Variants in CSMD1 observed in about 807,000 individuals in gnomAD.
CSMD1 encodes the protein CUB and sushi domain-containing protein 1.
CSMD1 carries 213 observed loss-of-function variants against 417.5 expected under a neutral mutation model. The observed-to-expected ratio is 0.51, with a 90% confidence interval of 0.46 to 0.57. The LOEUF (loss-of-function observed/expected upper bound fraction) is 0.57, where lower values mean the gene tolerates loss of function less well. Among genes scored for constraint, CSMD1 ranks in the 20% least tolerant of loss-of-function variants. The pLI is 0.00. For synonymous variants in CSMD1, 2,862 were observed against 1,736.8 expected, an observed-to-expected ratio of 1.65 and a Z score of -16.11; for missense variants, 6,923 against 4,529.7, an observed-to-expected ratio of 1.53 and a Z score of -15.17.
At chr8:4,203,314 C>T (rs562730604) in intron 3 of CSMD1, among the ~76,000 whole-genome samples, 112 of 152,196 alleles carry the variant, frequency 7.4e-4, no homozygotes, top group Non-Finnish European at 1.3e-3. Context: ...ACCACGGGGT[C>T]GGCTCAGGGA....
At chr8:2,985,360 C>A (rs1380067740) in intron 54 of CSMD1, among the ~76,000 whole-genome samples, 1 of 151,410 alleles carries the variant, frequency 6.6e-6, no homozygotes, top group Non-Finnish European at 1.5e-5. Context: ...TGTTTCACCA[C>A]GTGAGGCAGG....
chr8:4,255,230 T>A (rs1003425768), intron 3 of CSMD1, among the ~76,000 whole-genome samples: 1 of 152,178 alleles, frequency 6.6e-6, no homozygotes, highest in African/African-American at 2.4e-5. Flanking sequence ...GCAGTCCCTA[T>A]GGATTTGACT....
chr8:3,504,659 T>C (rs1304397991), intron 10 of CSMD1, among the ~76,000 whole-genome samples: 2 of 152,230 alleles, frequency 1.3e-5, no homozygotes, highest in Admixed American at 6.5e-5. Flanking sequence ...ACTCCAATTT[T>C]ATCTAAAATG....
chr8:2,995,749 C>T (rs374258841), intron 54 of CSMD1, among the ~76,000 whole-genome samples: 34 of 152,270 alleles, frequency 2.2e-4, no homozygotes, highest in African/African-American at 7.9e-4. Context: ...CAGGCCACAA[C>T]TTGGATGAAT....
At chr8:4,298,589 T>C (rs1018852657) in intron 3 of CSMD1, among the ~76,000 whole-genome samples, 2 of 152,152 alleles carry the variant, frequency 1.3e-5, no homozygotes, top group Non-Finnish European at 2.9e-5. Context: ...TTACAAATAT[T>C]GATACACATA....
chr8:4,246,625 G>C (rs1362084454), intron 3 of CSMD1, among the ~76,000 whole-genome samples: 1 of 152,136 alleles, frequency 6.6e-6, no homozygotes, highest in African/African-American at 2.4e-5. Flanking sequence ...TTGTTCAGCA[G>C]AAATGAATTT....
rs1182269541 is a variant in CSMD1 at position 3,108,758 on chromosome 8, A to G, written c.6609-10T>C. On this transcript the variant is annotated splice_polypyrimidine_tract_variant and intron_variant, in intron 43 of 69. Transcript: ENST00000635120. ...CTGATCGGGACCGTCCCTAGGAAAG[A>G]CAGAAAGAGGTGGCTGGCTAAGGAT... The G allele has an allele frequency of 6.2e-7, 1 of 1,603,352 alleles. No homozygotes were observed. Among genetic ancestry groups the G allele is most frequent in the East Asian group, 2.2e-5 (1 of 44,736 alleles).
chr8:4,292,895 A>C (rs1419220166), intron 3 of CSMD1, among the ~76,000 whole-genome samples: 3 of 152,186 alleles, frequency 2.0e-5, no homozygotes, highest in Non-Finnish European at 4.4e-5. Context: ...TAAAGAGATA[A>C]TTTGTTAGTT....
intron 26 of CSMD1, among the ~76,000 whole-genome samples, chr8:3,232,011 C>T (rs879647385): frequency 2.0e-5 from 3 of 152,196 alleles, no homozygotes; most frequent in Non-Finnish European, 4.4e-5. Flanking sequence ...GAAATATATA[C>T]ATGTGTGTAT....
intron 18 of CSMD1, among the ~76,000 whole-genome samples, chr8:3,377,155 C>G (rs1197248530): frequency 2.6e-5 from 4 of 152,176 alleles, no homozygotes; most frequent in African/African-American, 9.6e-5. Context: ...ACTATAGGCA[C>G]ATGCCAATAC....
chr8:3,525,496 G>A (rs976632851), intron 10 of CSMD1, among the ~76,000 whole-genome samples: 1 of 152,170 alleles, frequency 6.6e-6, no homozygotes, highest in Non-Finnish European at 1.5e-5. Context: ...TCCGTGATAA[G>A]AAACGCAGTA....
intron 19 of CSMD1, among the ~76,000 whole-genome samples, chr8:3,368,350 T>G (rs1809735230): frequency 6.6e-6 from 1 of 152,144 alleles, no homozygotes; most frequent in Non-Finnish European, 1.5e-5. Flanking sequence ...TTTATTTTAT[T>G]TTTTGAGATA....
chr8:3,502,199 C>T (rs1354901369), intron 10 of CSMD1, among the ~76,000 whole-genome samples: 4 of 151,816 alleles, frequency 2.6e-5, no homozygotes, highest in Admixed American at 2.6e-4. Context: ...CCCGTCTCTA[C>T]TAAAAATATA....
At chr8:3,545,040 T>G (rs1356198972) in intron 10 of CSMD1, among the ~76,000 whole-genome samples, 1 of 152,158 alleles carries the variant, frequency 6.6e-6, no homozygotes. Flanking sequence ...TAAAGTTAAT[T>G]TCAAATATGG....
chr8:3,436,052 C>G (rs527489884), intron 12 of CSMD1, among the ~76,000 whole-genome samples: 1 of 152,170 alleles, frequency 6.6e-6, no homozygotes, highest in East Asian at 1.9e-4. Flanking sequence ...TTCACCAGCA[C>G]TCCCTTCCAG....
chr8:4,298,232 G>A (rs1211761806), intron 3 of CSMD1, among the ~76,000 whole-genome samples: 1 of 152,120 alleles, frequency 6.6e-6, no homozygotes, highest in Non-Finnish European at 1.5e-5. Context: ...TTTGCTTCCT[G>A]TTTCTGCAAT....
rs1800674869 is a variant in CSMD1, at chr8:4,344,578, A to G, written c.415+75375T>C. 2.6e-5 allele frequency among the ~76,000 whole-genome samples: 4 copies of G among 151,330 alleles called. No homozygotes were observed. The South Asian group carries it at 8.3e-4, about 31-fold the overall frequency. On this transcript the variant is annotated intron_variant, in intron 3 of 69. Transcript: ENST00000635120. ...TATAAATATATACATATATAAGTAT[A>G]TATATGACAATGACTCGCTGGGTTA...
intron 5 of CSMD1, among the ~76,000 whole-genome samples, chr8:3,941,320 A>G (rs1810867760): frequency 6.6e-6 from 1 of 152,142 alleles, no homozygotes; most frequent in South Asian, 2.1e-4. Flanking sequence ...GAAACATCCT[A>G]TGCCATTTAC....
At chr8:4,642,917 G>C (rs1336369163) in intron 1 of CSMD1, among the ~76,000 whole-genome samples, 1 of 152,178 alleles carries the variant, frequency 6.6e-6, no homozygotes, top group African/African-American at 2.4e-5. Flanking sequence ...GCCATGCAGG[G>C]AAATGATACT....
Sources: gnomAD v4.1 joint callset for allele counts (sites outside exome capture counted in the v4.1 genomes callset) on GRCh38, gnomAD v4.1.1 for gene constraint, MANE v1.5 for transcripts, NCBI Gene and HGNC (gene_info 2026-07-23, HGNC 2026-07-21) for gene names.